The following MAP1B variants were observed in gnomAD, a reference collection of about 807,000 sequenced individuals.
MAP1B encodes the protein microtubule-associated protein 1B.
A neutral mutation model predicts 176.1 loss-of-function variants in MAP1B; 12 were observed. That is an observed-to-expected ratio of 0.07 (90% CI 0.04 to 0.11). MAP1B has a LOEUF of 0.11. Among genes scored for constraint, MAP1B ranks in the 10% least tolerant of loss-of-function variants. The pLI is 1.00. For synonymous variants in MAP1B, 1,044 were observed against 1,135.0 expected, an observed-to-expected ratio of 0.92 and a Z score of 1.61; for missense variants, 2,523 against 2,990.5, an observed-to-expected ratio of 0.84 and a Z score of 3.65.
rs991621229 is a variant in MAP1B at position 72,204,666 on chromosome 5, C to A, written c.7252-418C>A. ...AAGGTGCAGATCTTTGTTCTCAGGACAAAATGTTAGTTACTCACAATGAGT... is the reference window on the plus strand; with the variant it reads ...AAGGTGCAGATCTTTGTTCTCAGGAAAAAATGTTAGTTACTCACAATGAGT... On this transcript the variant is annotated intron_variant, in intron 6 of 6. Coordinates refer to ENST00000296755, the MANE Select transcript of MAP1B (RefSeq NM_005909.5). The surrounding 1 kb of genome is among the most constrained non-coding windows in gnomAD (Gnocchi z 4.4). Among the ~76,000 whole-genome samples, 1 of 152,114 alleles carries A rather than the reference C, an allele frequency of 6.6e-6. No homozygotes were observed. The highest frequency in any genetic ancestry group is 2.1e-4 in the South Asian group (1 of 4,826).
intron 2 of MAP1B, among the ~76,000 whole-genome samples, chr5:72,132,931 C>T (rs1745761336): frequency 6.6e-6 from 1 of 152,104 alleles, no homozygotes; most frequent in Non-Finnish European, 1.5e-5. Flanking sequence ...AACTCCCTGT[C>T]CAGGTTCAGC....
At chr5:72,120,383 G>T (rs1207776938) in intron 2 of MAP1B, among the ~76,000 whole-genome samples, 1 of 149,720 alleles carries the variant, frequency 6.7e-6, no homozygotes, top group African/African-American at 2.4e-5. Context: ...CAGTCTTCTT[G>T]TTTGTAAACA....
chr5:72,175,715 A>G (rs1024055725), intron 2 of MAP1B, among the ~76,000 whole-genome samples: 1 of 152,192 alleles, frequency 6.6e-6, no homozygotes, highest in South Asian at 2.1e-4. Context: ...GGATTTAGAA[A>G]GCAGGTCAAA....
chr5:72,140,197 A>G (rs1745921945), intron 2 of MAP1B, among the ~76,000 whole-genome samples: 1 of 152,148 alleles, frequency 6.6e-6, no homozygotes, highest in Non-Finnish European at 1.5e-5. Context: ...TCCTGGGCTC[A>G]AGCAATCTGC....
At chr5:72,141,405 G>T (rs151231653) in intron 2 of MAP1B, among the ~76,000 whole-genome samples, 1 of 152,360 alleles carries the variant, frequency 6.6e-6, no homozygotes, top group African/African-American at 2.4e-5. Context: ...CGTTAGAAAA[G>T]ACATGGAAAG....
At chr5:72,177,221 C>G (rs557087577) in intron 2 of MAP1B, among the ~76,000 whole-genome samples, 6 of 152,126 alleles carry the variant, frequency 3.9e-5, no homozygotes, top group Admixed American at 3.9e-4. Flanking sequence ...TGGGTTGCCT[C>G]GATCCTTCTC....
chr5:72,138,561 T>C (rs540803543), intron 2 of MAP1B, among the ~76,000 whole-genome samples: 3 of 152,304 alleles, frequency 2.0e-5, no homozygotes, highest in Admixed American at 2.0e-4. Flanking sequence ...AAAAATGTTA[T>C]GTAAAAAAAT....
At chr5:72,193,295 C>T (rs529361456) in intron 4 of MAP1B, 113 of 425,110 alleles carry the variant, frequency 2.7e-4, no homozygotes, top group South Asian at 1.7e-3. Context: ...AAGGAGGCCA[C>T]AACAAGTGCC....
intron 2 of MAP1B, among the ~76,000 whole-genome samples, chr5:72,136,106 T>C (rs566668750): frequency 9.8e-5 from 15 of 152,312 alleles, no homozygotes; most frequent in South Asian, 2.1e-4. Flanking sequence ...TGCCTTGTGC[T>C]GAGTACTTAA....
chr5:72,143,587 T>G (rs750541824), intron 2 of MAP1B, among the ~76,000 whole-genome samples: 2 of 152,194 alleles, frequency 1.3e-5, no homozygotes, highest in Non-Finnish European at 2.9e-5. Flanking sequence ...AGTTTTTTTC[T>G]AAACTACCTT....
intron 2 of MAP1B, among the ~76,000 whole-genome samples, chr5:72,135,422 T>C (rs1319079368): frequency 6.6e-6 from 1 of 152,170 alleles, no homozygotes; most frequent in African/African-American, 2.4e-5. Context: ...TCTCTCTCTC[T>C]CATTTGTGTC....
At position 72,107,656 on chromosome 5, in the gene MAP1B, T is replaced by C. The variant is rs1410699288; in HGVS notation, c.125T>C (p.Val42Ala). ...GACAGCAAGTTCTACTTGCTGGTGG[T>C]CGTCGGCGAGATCGTGACCGAGGAG... ...FLDSKFYLLV[V>A]VGEIVTEEHL... Residue 42 changes from valine (V) to alanine (A), a missense_variant, in exon 1 of 7, where the codon GTC becomes GCC. Coordinates refer to ENST00000296755, the MANE Select transcript of MAP1B (RefSeq NM_005909.5). The C allele has an allele frequency of 1.2e-6, 2 of 1,600,154 alleles. No homozygotes were observed. Among genetic ancestry groups the C allele is most frequent in the South Asian group, 1.1e-5 (1 of 91,002 alleles).
intron 2 of MAP1B, among the ~76,000 whole-genome samples, chr5:72,181,049 G>A (rs1746752715): frequency 6.6e-6 from 1 of 152,226 alleles, no homozygotes; most frequent in Non-Finnish European, 1.5e-5. Flanking sequence ...GCTTTCGACA[G>A]TAAAGGGGGA....
intron 3 of MAP1B, among the ~76,000 whole-genome samples, chr5:72,185,207 G>T (rs1024128267): frequency 2.0e-5 from 3 of 152,190 alleles, no homozygotes; most frequent in Middle Eastern, 6.8e-3. Context: ...CTCAGTTGAC[G>T]GACACTTGAG....
intron 2 of MAP1B, among the ~76,000 whole-genome samples, chr5:72,138,912 T>G (rs1002927596): frequency 6.6e-6 from 1 of 152,204 alleles, no homozygotes; most frequent in African/African-American, 2.4e-5. Context: ...TTTTTCTGTG[T>G]TTTTTACATT....
intron 2 of MAP1B, among the ~76,000 whole-genome samples, chr5:72,124,020 G>A (rs546916710): frequency 6.6e-6 from 1 of 152,288 alleles, no homozygotes; most frequent in East Asian, 1.9e-4. Flanking sequence ...GAAGAAAGGG[G>A]TGAAAATGGA....
At chr5:72,113,366 A>G (rs1273654553) in intron 1 of MAP1B, among the ~76,000 whole-genome samples, 1 of 152,236 alleles carries the variant, frequency 6.6e-6, no homozygotes, top group Non-Finnish European at 1.5e-5. Flanking sequence ...GGAGTGTAAA[A>G]ATGAGAAATA....
chr5:72,118,304 C>T (rs1745467493), intron 2 of MAP1B, among the ~76,000 whole-genome samples: 1 of 151,980 alleles, frequency 6.6e-6, no homozygotes, highest in African/African-American at 2.4e-5. Flanking sequence ...TGCCACCACA[C>T]CTGCCTAATT....
intron 4 of MAP1B, among the ~76,000 whole-genome samples, chr5:72,188,286 G>T (rs1580014796): frequency 6.6e-6 from 1 of 152,194 alleles, no homozygotes; most frequent in African/African-American, 2.4e-5. Context: ...CATTTGTCTA[G>T]TAGCTCTGGG....
Sources: gnomAD v4.1 joint callset for allele counts (sites outside exome capture counted in the v4.1 genomes callset) on GRCh38, gnomAD v4.1.1 for gene constraint, Gnocchi (gnomAD v3.1) non-coding constraint, MANE v1.5 for transcripts, NCBI Gene and HGNC (gene_info 2026-07-23, HGNC 2026-07-21) for gene names.